The following NFATC2 variants were observed in gnomAD, a reference collection of about 807,000 sequenced individuals.
NFATC2 encodes nuclear factor of activated T cells 2, also known as nuclear factor of activated T-cells, cytoplasmic 2.
NFATC2 carries 22 observed loss-of-function variants against 87.3 expected under a neutral mutation model. The ratio of observed to expected loss-of-function variants is 0.25; its 90% confidence interval spans 0.18 to 0.36. NFATC2 has a LOEUF of 0.36. Ranked by LOEUF, NFATC2 falls within the 10% of genes least tolerant of loss-of-function variation. The pLI, the probability that NFATC2 is intolerant of heterozygous loss-of-function variation, is 1.00. For synonymous variants in NFATC2, 565 were observed against 542.2 expected, an observed-to-expected ratio of 1.04 and a Z score of -0.58; for missense variants, 1,149 against 1,259.1, an observed-to-expected ratio of 0.91 and a Z score of 1.32.
chr20:51,439,985 C>T (rs1457351770), intron 6 of NFATC2, among the ~76,000 whole-genome samples: 1 of 152,128 alleles, frequency 6.6e-6, no homozygotes, highest in Non-Finnish European at 1.5e-5. Flanking sequence ...GCCTGTGATC[C>T]CAGCACTTTG....
At chr20:51,403,857 C>G (rs1026607034) in intron 9 of NFATC2, among the ~76,000 whole-genome samples, 4 of 152,120 alleles carry the variant, frequency 2.6e-5, no homozygotes, top group Non-Finnish European at 5.9e-5. Context: ...GCCACTAAGT[C>G]TATGATATTT....
chr20:51,474,120 T>C lies in NFATC2; in HGVS notation c.1568A>G (p.Asn523Ser). 6.2e-7 allele frequency: 1 copy of C among 1,614,132 alleles called. No individual in the cohort carries two copies. The highest frequency in any genetic ancestry group is 8.5e-7 in the Non-Finnish European group (1 of 1,180,026). The change falls in exon 5 of 11, where the codon AAC (asparagine) becomes AGC (serine). Residue 523 changes from asparagine (N) to serine (S), a missense_variant. Physicochemically the swap from Asn to Ser is conservative, Grantham distance 46 (BLOSUM62 1). Around this residue, in one of 3 missense-constraint regions of NFATC2, gnomAD observed 581 missense variants for 649.7 expected, o/e 0.89. Coordinates refer to ENST00000371564, the MANE Select transcript of NFATC2 (RefSeq NM_012340.5). ...IDCAGILKLRNADIELRKGET... is the reference protein window; with the variant it reads ...IDCAGILKLRSADIELRKGET... ...GCCTTTCCGCAGCTCAATGTCGGCG[T>C]TTCTAAGCTTCAAGATCCCCGCACA...
At chr20:51,421,085 A>C (rs978212925) in intron 9 of NFATC2, among the ~76,000 whole-genome samples, 3 of 151,816 alleles carry the variant, frequency 2.0e-5, no homozygotes, top group Admixed American at 6.6e-5. Flanking sequence ...AAAAAAAAAA[A>C]AAACAAAAAA....
chr20:51,527,739 T>G (rs2076567704), intron 1 of NFATC2, among the ~76,000 whole-genome samples: 1 of 152,112 alleles, frequency 6.6e-6, no homozygotes, highest in South Asian at 2.1e-4. Context: ...GTAATATCCA[T>G]GAAAATTCCA....
At chr20:51,395,246 ACAGG>A (rs960197399) in intron 10 of NFATC2, among the ~76,000 whole-genome samples, 2 of 152,154 alleles carry the variant, frequency 1.3e-5, no homozygotes, top group African/African-American at 2.4e-5. Flanking sequence ...GGAAATAGAG[ACAGG>A]CAGACCAATA....
Position 51,542,530 on chromosome 20 carries a change from G to A in NFATC2, c.-31C>T, listed in dbSNP as rs2146808990. 3 of 1,365,228 alleles carry A rather than the reference G, an allele frequency of 2.2e-6. No individual in the cohort carries two copies. Among genetic ancestry groups the A allele is most frequent in the Non-Finnish European group, 2.8e-6 (3 of 1,061,488 alleles). 84.6% of individuals were successfully genotyped at this position (1,365,228 alleles called of 1,614,324 possible). A position where few individuals can be genotyped will look rare whatever the true frequency, so the allele number is the denominator to read the frequency against. ...GCAGGGCGGGAAGGCTGCGGGGCCGGGGGCGAGGGCGGGCGCGGCTGGCTC... is the reference window on the plus strand; with the variant it reads ...GCAGGGCGGGAAGGCTGCGGGGCCGAGGGCGAGGGCGGGCGCGGCTGGCTC... On this transcript the variant is annotated 5_prime_UTR_variant, in exon 1 of 11. Transcript: ENST00000371564.
In NFATC2 at chr20:51,542,692, G is replaced by A. The variant is rs2076841570; in HGVS notation, c.-193C>T. 8.9e-7 allele frequency: 1 copy of A among 1,119,582 alleles called. No homozygotes were observed. 69.4% of individuals were successfully genotyped at this position (1,119,582 alleles called of 1,614,324 possible). A position where few individuals can be genotyped will look rare whatever the true frequency, so the allele number is the denominator to read the frequency against. ...ACGCGCCCGGGGAAGCTGAGCGGCGGCGGCGACGGCGGCGCGAGCTTCCTG... is the reference window on the plus strand; with the variant it reads ...ACGCGCCCGGGGAAGCTGAGCGGCGACGGCGACGGCGGCGCGAGCTTCCTG... On this transcript the variant is annotated 5_prime_UTR_variant, in exon 1 of 11. Transcript: ENST00000371564.
At chr20:51,428,718 G>A (rs184490822) in intron 9 of NFATC2, among the ~76,000 whole-genome samples, 34 of 152,284 alleles carry the variant, frequency 2.2e-4, no homozygotes, top group Admixed American at 4.6e-4. Flanking sequence ...TGCGGGGGAG[G>A]GAGGACCTGT....
At chr20:51,433,063 A>G (rs192933272) in intron 8 of NFATC2, among the ~76,000 whole-genome samples, 4 of 152,026 alleles carry the variant, frequency 2.6e-5, no homozygotes, top group Admixed American at 2.6e-4. Context: ...CTCAGAGGAG[A>G]ATGCTTGATT....
At position 51,480,759 on chromosome 20, in the gene NFATC2, C is replaced by T. The variant is rs192909895; in HGVS notation, c.1333-5099G>A. On this transcript the variant is annotated intron_variant, in intron 3 of 10. Transcript: ENST00000371564. This position sits in a 1 kb window ranked among gnomAD's most constrained non-coding sequence, Gnocchi z 4.2. ...CACCCTGCAGGCCTCTTCTGAAAGG[C>T]GAAATAAGGTGACCTTTGTTGGGCA... 8.5e-5 allele frequency among the ~76,000 whole-genome samples: 13 copies of T among 152,244 alleles called. No individual in the cohort carries two copies. The highest frequency in any genetic ancestry group is 1.3e-4 in the Non-Finnish European group (9 of 68,036).
At chr20:51,518,325 A>G (rs941067010) in intron 2 of NFATC2, among the ~76,000 whole-genome samples, 2 of 152,206 alleles carry the variant, frequency 1.3e-5, no homozygotes, top group Non-Finnish European at 2.9e-5. Flanking sequence ...AGCTGACACT[A>G]TCAGCTGGGC....
rs1213932185 is a variant in NFATC2 at position 51,391,092 on chromosome 20, T to G, written c.*404A>C. The G allele has an allele frequency of 5.9e-6, 3 of 508,978 alleles. No homozygotes were observed. Among genetic ancestry groups the G allele is most frequent in the Non-Finnish European group, 1.1e-5 (3 of 271,212 alleles). The allele number at this position is 508,978 out of a possible 1,614,324, so 31.5% of individuals were successfully genotyped here. On this transcript the variant is annotated 3_prime_UTR_variant, in exon 11 of 11. Transcript: ENST00000371564. ...CCAGTCACTCTGTTCTCAGGAGAGTTCCAGTGTCCTGTCTCATGTAGAATG... is the reference window on the plus strand; with the variant it reads ...CCAGTCACTCTGTTCTCAGGAGAGTGCCAGTGTCCTGTCTCATGTAGAATG...
intron 6 of NFATC2, among the ~76,000 whole-genome samples, chr20:51,450,519 C>T (rs1985635182): frequency 1.3e-5 from 2 of 152,180 alleles, no homozygotes; most frequent in Admixed American, 1.3e-4. Context: ...CAAAAAATAA[C>T]GATGAACATC....
At chr20:51,535,508 A>G (rs182898139) in intron 1 of NFATC2, among the ~76,000 whole-genome samples, 7 of 152,264 alleles carry the variant, frequency 4.6e-5, no homozygotes, top group African/African-American at 1.7e-4. Context: ...TTCTTTATTT[A>G]TACTTTTCCC....
chr20:51,473,959 G>A lies in NFATC2; in HGVS notation c.1708+21C>T, dbSNP rs1055758654. 29 of 1,606,666 alleles carry A rather than the reference G, an allele frequency of 1.8e-5. 2 individuals carry two copies. The Middle Eastern group carries it at 2.2e-3, about 119-fold the overall frequency. ...GCCCTACGCTTTCTGAAGAAAGACC[G>A]GGCCCCAGGGCCCAACTTACAGCAC... On this transcript the variant is annotated intron_variant, in intron 5 of 10. Coordinates refer to ENST00000371564, the MANE Select transcript of NFATC2 (RefSeq NM_012340.5).
In NFATC2 at chr20:51,480,653, T is replaced by C. The variant is rs183608253; in HGVS notation, c.1333-4993A>G. The stretch of plus-strand genomic sequence containing the variant: ...ATCTGAATTTCGATGCCAGCTCTGC[T>C]TCTTGATGGCTGTGTGACTGTGAGC... On this transcript the variant is annotated intron_variant, in intron 3 of 10. Coordinates refer to ENST00000371564, the MANE Select transcript of NFATC2 (RefSeq NM_012340.5). This position sits in a 1 kb window ranked among gnomAD's most constrained non-coding sequence, Gnocchi z 4.2. Among the ~76,000 whole-genome samples, 5 of 152,330 alleles carry C rather than the reference T, an allele frequency of 3.3e-5. No individual in the cohort carries two copies. In the East Asian group the frequency reaches 9.6e-4, roughly 29 times the overall value.
chr20:51,467,294 C>T (rs61410700), intron 5 of NFATC2, among the ~76,000 whole-genome samples: 15,019 of 152,150 alleles, frequency 0.099, 1,124 homozygotes, highest in African/African-American at 0.21. Flanking sequence ...TGGTGGCTCA[C>T]GCCCGTAATC....
intron 1 of NFATC2, among the ~76,000 whole-genome samples, chr20:51,555,815 A>T (rs1601020226): frequency 6.6e-6 from 1 of 152,116 alleles, no homozygotes; most frequent in Non-Finnish European, 1.5e-5. Flanking sequence ...GGGTCAACCA[A>T]AAAAAGATAT....
At chr20:51,460,286 G>A (rs1245565500) in intron 5 of NFATC2, among the ~76,000 whole-genome samples, 1 of 152,200 alleles carries the variant, frequency 6.6e-6, no homozygotes, top group Non-Finnish European at 1.5e-5. Flanking sequence ...CGTGCTCTTG[G>A]TTAAGGCTAT....
Sources: gnomAD v4.1 joint callset for allele counts (sites outside exome capture counted in the v4.1 genomes callset) on GRCh38, gnomAD v4.1.1 for gene constraint, gnomAD v4.1.1 regional missense constraint, Gnocchi (gnomAD v3.1) non-coding constraint, MANE v1.5 for transcripts, NCBI Gene and HGNC (gene_info 2026-07-23, HGNC 2026-07-21) for gene names.